KATNAL1: variants seen among roughly 807,000 people sequenced by gnomAD.
The protein encoded by KATNAL1 is katanin catalytic subunit A1 like 1.
In KATNAL1, 32 loss-of-function variants were observed where a neutral mutation model predicts 55.2. The ratio of observed to expected loss-of-function variants is 0.58; its 90% CI spans 0.44 to 0.78. The LOEUF is 0.78. Among genes scored for constraint, KATNAL1 ranks in the 30% least tolerant of loss-of-function variants. The pLI, the probability that KATNAL1 is intolerant of heterozygous loss-of-function variation, is 0.00. For synonymous variants in KATNAL1, 193 were observed against 193.6 expected, an observed-to-expected ratio of 1.00 and a Z score of 0.02; for missense variants, 466 against 600.9, an observed-to-expected ratio of 0.78 and a Z score of 2.35.
chr13:30,306,392 A>T, intron 1 of KATNAL1, among the ~76,000 whole-genome samples: 1 of 152,140 alleles, frequency 6.6e-6, no homozygotes, highest in East Asian at 1.9e-4. Context: ...TGTTTTTAAA[A>T]GTTACTAGTA....
intron 3 of KATNAL1, among the ~76,000 whole-genome samples, chr13:30,274,480 A>T (rs1020306732): frequency 1.3e-5 from 2 of 152,216 alleles, no homozygotes; most frequent in African/African-American, 4.8e-5. Context: ...GAAACACAGT[A>T]TACCATTGCC....
At chr13:30,237,983 C>T (rs1474709672) in intron 6 of KATNAL1, among the ~76,000 whole-genome samples, 1 of 152,212 alleles carries the variant, frequency 6.6e-6, no homozygotes, top group Non-Finnish European at 1.5e-5. Flanking sequence ...TTCATAATCA[C>T]CATCCCAATT....
intron 3 of KATNAL1, among the ~76,000 whole-genome samples, chr13:30,268,805 C>T (rs1467757536): frequency 1.3e-5 from 2 of 152,200 alleles, no homozygotes; most frequent in Middle Eastern, 3.4e-3. Flanking sequence ...TAAACAAAAC[C>T]ATTGGCAAAC....
intron 3 of KATNAL1, among the ~76,000 whole-genome samples, chr13:30,270,143 C>T (rs1203243679): frequency 1.5e-5 from 2 of 137,096 alleles, no homozygotes; most frequent in South Asian, 2.5e-4. Flanking sequence ...CCCGGCCGCC[C>T]CTACTGGGAA....
intron 3 of KATNAL1, among the ~76,000 whole-genome samples, chr13:30,259,615 G>A (rs1203804061): frequency 3.3e-5 from 5 of 152,132 alleles, no homozygotes; most frequent in Admixed American, 1.3e-4. Flanking sequence ...GGTGACAGAC[G>A]GCACCTGGAA....
At chr13:30,286,504 G>C (rs979901523) in intron 1 of KATNAL1, among the ~76,000 whole-genome samples, 1 of 152,234 alleles carries the variant, frequency 6.6e-6, no homozygotes, top group East Asian at 1.9e-4. Flanking sequence ...CTGAGGTTTG[G>C]GAACCTCCAC....
At position 30,270,930 on chromosome 13, in the gene KATNAL1, A is replaced by G. The variant is rs532658065; in HGVS notation, c.323+9133T>C. 3.1e-3 allele frequency among the ~76,000 whole-genome samples: 464 copies of G among 151,498 alleles called. 2 individuals carry two copies. The highest frequency in any genetic ancestry group is 0.011 in the African/African-American group (442 of 40,982). ...CAATAAACAAAAAATAATAAAATAA[A>G]AAAAAAAAAAGAAAAATAAAGCTGA... On this transcript the variant is annotated intron_variant, in intron 3 of 10. Transcript: ENST00000380615.
At chr13:30,246,495 T>C (rs148973350) in intron 4 of KATNAL1, among the ~76,000 whole-genome samples, 2 of 152,292 alleles carry the variant, frequency 1.3e-5, no homozygotes, top group African/African-American at 4.8e-5. Context: ...AAAGACTTCA[T>C]GACTAAAACA....
intron 1 of KATNAL1, among the ~76,000 whole-genome samples, chr13:30,303,315 T>C (rs991832970): frequency 1.3e-5 from 2 of 152,268 alleles, no homozygotes; most frequent in Admixed American, 1.3e-4. Context: ...ATCTGGCAAA[T>C]GCCCATATCT....
chr13:30,234,339 A>C (rs1238277879), intron 6 of KATNAL1, among the ~76,000 whole-genome samples: 1 of 152,132 alleles, frequency 6.6e-6, no homozygotes, highest in Middle Eastern at 3.2e-3. Flanking sequence ...TCTTCCTCAT[A>C]AGCTACCACA....
At chr13:30,283,533 A>G in intron 2 of KATNAL1, 83 bp downstream of exon 2, 4 of 1,287,610 alleles carry the variant, frequency 3.1e-6, no homozygotes, top group Non-Finnish European at 4.2e-6. Context: ...CTCAAACTCA[A>G]AATTAGATTT....
chr13:30,263,475 C>A (rs1187469624), intron 3 of KATNAL1, among the ~76,000 whole-genome samples: 2 of 151,398 alleles, frequency 1.3e-5, no homozygotes, highest in East Asian at 1.9e-4. Context: ...AAAACCCCAT[C>A]GTCTCAGCCC....
At chr13:30,209,605 T>C (rs1056462263) in intron 10 of KATNAL1, among the ~76,000 whole-genome samples, 10 of 152,218 alleles carry the variant, frequency 6.6e-5, no homozygotes, top group Admixed American at 2.0e-4. Flanking sequence ...CTGAAAAAAT[T>C]TTAAACGTGT....
chr13:30,288,015 A>G (rs1326763257), intron 1 of KATNAL1, among the ~76,000 whole-genome samples: 1 of 152,210 alleles, frequency 6.6e-6, no homozygotes, highest in East Asian at 1.9e-4. Context: ...TTTCTGTAAG[A>G]CAGGTTGACT....
intron 9 of KATNAL1, among the ~76,000 whole-genome samples, chr13:30,218,964 T>C (rs1255636036): frequency 6.6e-6 from 1 of 152,224 alleles, no homozygotes; most frequent in East Asian, 1.9e-4. Context: ...GTAAGTGATA[T>C]ATTGGCTTTT....
chr13:30,215,696 G>A (rs553946525), intron 9 of KATNAL1, among the ~76,000 whole-genome samples: 1 of 151,228 alleles, frequency 6.6e-6, no homozygotes, highest in Non-Finnish European at 1.5e-5. Flanking sequence ...AACACCGCAT[G>A]TTCTCACTCA....
At chr13:30,293,623 C>A (rs1455638606) in intron 1 of KATNAL1, among the ~76,000 whole-genome samples, 1 of 152,154 alleles carries the variant, frequency 6.6e-6, no homozygotes, top group Non-Finnish European at 1.5e-5. Context: ...CCACTACCAC[C>A]ACAACAAAGG....
intron 1 of KATNAL1, among the ~76,000 whole-genome samples, chr13:30,287,727 C>T (rs990111028): frequency 1.3e-5 from 2 of 152,224 alleles, no homozygotes; most frequent in Middle Eastern, 3.4e-3. Flanking sequence ...AACAAAGATG[C>T]TCTATAAATT....
chr13:30,277,226 G>A (rs1319378447), intron 3 of KATNAL1, among the ~76,000 whole-genome samples: 3 of 152,154 alleles, frequency 2.0e-5, no homozygotes. Flanking sequence ...TGTTATTCTT[G>A]CTATTTCTCT....
Sources: gnomAD v4.1 joint callset for allele counts (sites outside exome capture counted in the v4.1 genomes callset) on GRCh38, gnomAD v4.1.1 for gene constraint, MANE v1.5 for transcripts, NCBI Gene and HGNC (gene_info 2026-07-23, HGNC 2026-07-21) for gene names.